The following PML variants were observed in gnomAD, a reference collection of about 807,000 sequenced individuals.
PML encodes PML nuclear body scaffold.
Under a neutral mutation model 65.2 loss-of-function variants are expected in PML, and 28 were observed. That is an observed-to-expected ratio of 0.43 (90% CI 0.32 to 0.59). The LOEUF (loss-of-function observed/expected upper bound fraction) is 0.59, where lower values mean the gene tolerates loss of function less well. PML is among the 20% of genes least tolerant of loss of function. The pLI, the probability that PML is intolerant of heterozygous loss-of-function variation, is 0.08. For synonymous variants in PML, 500 were observed against 508.8 expected (o/e 0.98, Z 0.23); for missense variants, 1,021 against 1,203.4 (o/e 0.85, Z 2.24).
intron 2 of PML, among the ~76,000 whole-genome samples, chr15:74,007,960 TTA>T (rs2070144511): frequency 1.3e-5 from 2 of 152,222 alleles, no homozygotes; most frequent in African/African-American, 4.8e-5. Context: ...GTCTTCTGTA[TTA>T]TGTTTGCCCT....
At chr15:74,036,267 C>T (rs2141884432) in intron 7 of PML, 1 of 1,484,162 alleles carries the variant, frequency 6.7e-7, no homozygotes, top group East Asian at 2.5e-5. Flanking sequence ...CACAGCCTTC[C>T]ATGCCCCGAC....
At position 74,045,966 on chromosome 15, in the gene PML, G is replaced by A. The variant is rs189873833; in HGVS notation, c.*958G>A. On this transcript the variant is annotated 3_prime_UTR_variant, in exon 9 of 9. Coordinates refer to ENST00000268058, the MANE Select transcript of PML (RefSeq NM_033238.3). ...TGGTGCATGCTCAAGTTTGAGAACC[G>A]CTGCTCTCATAGACTGCTCCTCCAA... The A allele has an allele frequency of 1.6e-4, 38 of 232,316 alleles. No homozygotes were observed. The East Asian group carries it at 1.9e-3, about 12-fold the overall frequency. The allele number at this position is 232,316 out of a possible 1,614,324, so 14.4% of individuals were successfully genotyped here.
chr15:74,007,773 T>G (rs1183613545), intron 2 of PML, among the ~76,000 whole-genome samples: 1 of 152,182 alleles, frequency 6.6e-6, no homozygotes, highest in Non-Finnish European at 1.5e-5. Flanking sequence ...CCTACTGTGT[T>G]GCATGTTCTT....
chr15:74,023,964 GAC>G (rs1196903813), intron 3 of PML, among the ~76,000 whole-genome samples: 2 of 152,154 alleles, frequency 1.3e-5, no homozygotes, highest in African/African-American at 4.8e-5. Context: ...GAGGTAAGGA[GAC>G]ACAGACTAGT....
intron 6 of PML, chr15:74,034,244 G>A: frequency 1.7e-6 from 1 of 599,124 alleles, no homozygotes; most frequent in Non-Finnish European, 3.0e-6. Flanking sequence ...TAACTTAATT[G>A]AATATTCATA....
chr15:74,008,815 CTGG>C (rs2070188248), intron 2 of PML, among the ~76,000 whole-genome samples: 1 of 151,754 alleles, frequency 6.6e-6, no homozygotes, highest in African/African-American at 2.4e-5. Flanking sequence ...TCTCTGCACT[CTGG>C]TACTTTGACA....
rs2071779084 is a variant in PML, at chr15:74,047,155, C to G, written c.*2147C>G. The G allele has an allele frequency of 4.3e-6, 1 of 231,090 alleles. No homozygotes were observed. Among genetic ancestry groups the G allele is most frequent in the Non-Finnish European group, 8.6e-6 (1 of 116,726 alleles). The allele number at this position is 231,090 out of a possible 1,614,324, so 14.3% of individuals were successfully genotyped here. On this transcript the variant is annotated 3_prime_UTR_variant, in exon 9 of 9. Transcript: ENST00000268058. ...CTGCCCTTCACTGGCTAATCCTGTACTTCTCTCTGTGTTCCTTGAGTGACA... is the reference window on the plus strand; with the variant it reads ...CTGCCCTTCACTGGCTAATCCTGTAGTTCTCTCTGTGTTCCTTGAGTGACA...
At position 74,045,081 on chromosome 15, in the gene PML, T is replaced by C. The variant is rs542097373; in HGVS notation, c.*73T>C. 1,522 of 1,343,304 alleles carry C rather than the reference T, an allele frequency of 1.1e-3. 27 individuals are homozygous for C. In the South Asian group the frequency reaches 0.02, roughly 18 times the overall value. 83.2% of individuals were successfully genotyped at this position (1,343,304 alleles called of 1,614,324 possible). ...GGGTCCCTGAGCCAGGCCCCACCCA[T>C]CACAGCATTCCCAGGTCCTGGTACC... On this transcript the variant is annotated 3_prime_UTR_variant, in exon 9 of 9. Transcript: ENST00000268058.
At chr15:74,009,131 CAT>C (rs889417377) in intron 2 of PML, among the ~76,000 whole-genome samples, 51 of 152,182 alleles carry the variant, frequency 3.4e-4, no homozygotes, top group African/African-American at 1.2e-3. Context: ...TCCACCCAAG[CAT>C]GGTGTGGGTC....
At chr15:74,007,547 C>G (rs1317440279) in intron 2 of PML, among the ~76,000 whole-genome samples, 3 of 152,252 alleles carry the variant, frequency 2.0e-5, no homozygotes, top group Non-Finnish European at 2.9e-5. Context: ...AATAAGAGCT[C>G]ACAACTTTCC....
intron 1 of PML, among the ~76,000 whole-genome samples, chr15:73,996,220 T>A (rs2069498069): frequency 6.6e-6 from 1 of 152,244 alleles, no homozygotes. Context: ...CTCTGTACTC[T>A]TTAAACCATA....
chr15:74,010,293 G>A (rs12911807), intron 2 of PML, among the ~76,000 whole-genome samples: 91,601 of 146,632 alleles, frequency 0.62, 28,358 homozygotes, highest in Non-Finnish European at 0.65. Flanking sequence ...TGGGCCTCCC[G>A]AAGTGCTGGG....
intron 4 of PML, chr15:74,027,368 A>C (rs1299392884): frequency 6.6e-6 from 1 of 152,050 alleles, no homozygotes; most frequent in Non-Finnish European, 1.5e-5. Flanking sequence ...CCTCGGCAAC[A>C]TGGTGAGACC....
Position 74,042,569 on chromosome 15 carries a change from G to A in PML, c.1711-420G>A. 1 of 985,428 alleles carries A rather than the reference G, an allele frequency of 1.0e-6. No individual in the cohort carries two copies. The highest frequency in any genetic ancestry group is 1.2e-6 in the Non-Finnish European group (1 of 829,932). The allele number at this position is 985,428 out of a possible 1,614,324, so 61.0% of individuals were successfully genotyped here. ...TGCCATAGCAGATGGCTCCTTCCCT[G>A]AGCCTCCATAAGCAGCACAGCACAC... On this transcript the variant is annotated intron_variant, in intron 7 of 8. Coordinates refer to ENST00000268058, the MANE Select transcript of PML (RefSeq NM_033238.3). The surrounding 1 kb of genome is among the most constrained non-coding windows in gnomAD (Gnocchi z 5.3).
chr15:74,000,086 C>T (rs2069691154), intron 2 of PML, among the ~76,000 whole-genome samples: 1 of 152,066 alleles, frequency 6.6e-6, no homozygotes, highest in Non-Finnish European at 1.5e-5. Flanking sequence ...CTGCCTCGGC[C>T]TCCCAAAGTT....
At chr15:74,004,387 G>A (rs1268287291) in intron 2 of PML, among the ~76,000 whole-genome samples, 1 of 151,962 alleles carries the variant, frequency 6.6e-6, no homozygotes, top group African/African-American at 2.4e-5. Context: ...CTGTAACCTC[G>A]AACTCCTAGA....
chr15:74,002,201 T>C (rs1447297436), intron 2 of PML, among the ~76,000 whole-genome samples: 2 of 152,090 alleles, frequency 1.3e-5, no homozygotes, highest in East Asian at 3.8e-4. Context: ...TAAGACTATA[T>C]TGAGATTTTC....
At chr15:74,012,008 A>G (rs987761850) in intron 2 of PML, among the ~76,000 whole-genome samples, 3 of 152,246 alleles carry the variant, frequency 2.0e-5, no homozygotes, top group African/African-American at 7.2e-5. Flanking sequence ...TTAAGTAAGC[A>G]TGCAATTTAA....
At chr15:74,020,919 G>C (rs1453062872) in intron 2 of PML, among the ~76,000 whole-genome samples, 1 of 152,034 alleles carries the variant, frequency 6.6e-6, no homozygotes, top group Non-Finnish European at 1.5e-5. Context: ...AAGGATTCAC[G>C]TGATTACGTT....
Sources: allele counts gnomAD v4.1 joint callset (sites outside exome capture counted in the v4.1 genomes callset), GRCh38; gene constraint gnomAD v4.1.1; non-coding constraint Gnocchi (gnomAD v3.1); transcripts MANE v1.5; gene names NCBI Gene and HGNC (gene_info 2026-07-23, HGNC 2026-07-21).